APPL1: variants seen among roughly 807,000 people sequenced by gnomAD.
The protein encoded by APPL1 is DCC-interacting protein 13-alpha.
Under a neutral mutation model 106.8 loss-of-function variants are expected in APPL1, and 42 were observed. That is an observed-to-expected ratio of 0.39 (90% CI 0.31 to 0.51). The LOEUF (loss-of-function observed/expected upper bound fraction) is 0.51. Among genes scored for constraint, APPL1 ranks in the 20% least tolerant of loss-of-function variants. APPL1 has a pLI of 0.75. For synonymous variants in APPL1, 263 were observed against 281.8 expected (o/e 0.93, Z 0.67); for missense variants, 769 against 858.2 (o/e 0.90, Z 1.30).
intron 6 of APPL1, 105 bp downstream of exon 6, chr3:57,242,247 AAAT>A: frequency 1.2e-6 from 1 of 840,108 alleles, no homozygotes; most frequent in Non-Finnish European, 1.8e-6. Context: ...AACCAATTAA[AAAT>A]AAGTGAACAT....
intron 15 of APPL1, 92 bp downstream of exon 15, chr3:57,257,520 T>A: frequency 9.1e-7 from 1 of 1,098,292 alleles, no homozygotes; most frequent in Non-Finnish European, 1.3e-6. Context: ...ATTTATAATG[T>A]ATATCAGCTA....
rs777342267 is a variant in APPL1 at position 57,257,348 on chromosome 3, C to T, written c.1350C>T (p.Asp450=). The T allele has an allele frequency of 1.2e-6, 2 of 1,614,106 alleles. No homozygotes were observed. The highest frequency in any genetic ancestry group is 1.1e-5 in the South Asian group (1 of 91,078). ...CTCTAGATTCTCTTGTTGCCCCAGA[C>T]ACCCCAATACAGTTTGACATAATTT... ...ALSLDSLVAP[D]TPIQFDIISP... Residue 450 remains aspartate, a synonymous_variant, in exon 15 of 22, where the codon GAC becomes GAT. Transcript: ENST00000288266.
chr3:57,231,809 T>TAAA (rs375775370), intron 1 of APPL1, among the ~76,000 whole-genome samples: 1 of 132,354 alleles, frequency 7.6e-6, no homozygotes, highest in Non-Finnish European at 1.6e-5. Context: ...CTTTGGCTCT[T>TAAA]AAAAAAAAAA....
At chr3:57,269,450 A>C (rs1559516551) in intron 21 of APPL1, 91 bp from the exon 22 acceptor site, 1 of 1,344,548 alleles carries the variant, frequency 7.4e-7, no homozygotes, top group East Asian at 2.3e-5. Context: ...TTATGACAGA[A>C]GAAGTGGCTC....
At chr3:57,230,238 C>G (rs1483624046) in intron 1 of APPL1, among the ~76,000 whole-genome samples, 9 of 152,180 alleles carry the variant, frequency 5.9e-5, no homozygotes, top group Non-Finnish European at 1.2e-4. Context: ...ACTTTACTAC[C>G]TTCTGCTTTA....
chr3:57,253,738 G>C lies in APPL1; in HGVS notation c.1152G>C (p.Glu384Asp). The change falls in exon 13 of 22, where the codon GAG becomes GAC. Residue 384 changes from glutamate to aspartate, a missense_variant and splice_region_variant. Physicochemically the swap from Glu to Asp is conservative, Grantham distance 45. Coordinates refer to ENST00000288266, the MANE Select transcript of APPL1 (RefSeq NM_012096.3). ...AAATATACTTAAGTGAAAATCCAGA[G>C]GTAATATTTTTATTTTATGTTACCC... is the stretch of plus-strand genomic sequence containing the variant. ...SKQIYLSENPEETAARVNQSA... is the reference protein window; with the variant it reads ...SKQIYLSENPDETAARVNQSA... 1 of 1,423,862 alleles carries C rather than the reference G, an allele frequency of 7.0e-7. No homozygotes were observed. Among genetic ancestry groups the C allele is most frequent in the Non-Finnish European group, 9.3e-7 (1 of 1,078,166 alleles). The allele number at this position is 1,423,862 out of a possible 1,614,324, so 88.2% of individuals were successfully genotyped here. A position where few individuals can be genotyped will look rare whatever the true frequency, so the allele number is the denominator to read the frequency against.
intron 1 of APPL1, among the ~76,000 whole-genome samples, chr3:57,230,206 G>A (rs2060679654): frequency 1.3e-5 from 2 of 151,372 alleles, no homozygotes; most frequent in African/African-American, 2.5e-5. Context: ...TAGGGTTGAC[G>A]AGGTTTTTAG....
chr3:57,262,817 T>G (rs1245007231), intron 19 of APPL1, among the ~76,000 whole-genome samples: 3 of 16,480 alleles, frequency 1.8e-4, no homozygotes, highest in Non-Finnish European at 3.1e-4. Context: ...ACAAGGGGTG[T>G]GTGTGTGTGT....
rs1368901347 is a variant in APPL1, at chr3:57,259,907, G to T, written c.1546G>T (p.Asp516Tyr). 2 of 1,613,488 alleles carry T rather than the reference G, an allele frequency of 1.2e-6. No individual in the cohort carries two copies. Among genetic ancestry groups the T allele is most frequent in the Non-Finnish European group, 1.7e-6 (2 of 1,179,890 alleles). ...TGGTTCAATGGAGGTGAAATCAGAT[G>T]ACCATCCAGATGTTGTTTATGAAAC... Reference protein sequence around the residue: ...FLGSMEVKSDDHPDVVYETMR... With the variant: ...FLGSMEVKSDYHPDVVYETMR... Residue 516 changes from aspartate (D) to tyrosine (Y), a missense_variant, in exon 17 of 22, where the codon GAC becomes TAC. Asp to Tyr is a radical substitution (Grantham distance 160). Coordinates refer to ENST00000288266, the MANE Select transcript of APPL1 (RefSeq NM_012096.3).
chr3:57,268,394 T>G lies in APPL1; in HGVS notation c.1894-4T>G, dbSNP rs769594187. On this transcript the variant is annotated splice_region_variant and splice_polypyrimidine_tract_variant and intron_variant, in intron 20 of 21. Coordinates refer to ENST00000288266, the MANE Select transcript of APPL1 (RefSeq NM_012096.3). ...TTCATTAGTTTTATTCATCTGTTCT[T>G]TAGGATCGTAGGGCATCAGAAAAAC... The G allele has an allele frequency of 5.8e-6, 9 of 1,553,812 alleles. No homozygotes were observed. Among genetic ancestry groups the G allele is most frequent in the Non-Finnish European group, 7.9e-6 (9 of 1,138,336 alleles).
chr3:57,235,082 G>T (rs908784932), intron 1 of APPL1, among the ~76,000 whole-genome samples: 1 of 152,206 alleles, frequency 6.6e-6, no homozygotes, highest in Non-Finnish European at 1.5e-5. Context: ...GAAAAACCTA[G>T]TTAGCATTTT....
intron 19 of APPL1, among the ~76,000 whole-genome samples, chr3:57,261,427 C>T (rs1303348036): frequency 6.6e-6 from 1 of 152,188 alleles, no homozygotes; most frequent in Non-Finnish European, 1.5e-5. Context: ...CATGTGAGTG[C>T]AGGTATCCTT....
chr3:57,241,444 C>T (rs578003605), intron 5 of APPL1, among the ~76,000 whole-genome samples: 2 of 152,284 alleles, frequency 1.3e-5, no homozygotes, highest in East Asian at 3.9e-4. Flanking sequence ...CAGCCATACA[C>T]ACTTACTTCC....
intron 11 of APPL1, among the ~76,000 whole-genome samples, chr3:57,251,169 C>T (rs183193397): frequency 3.3e-5 from 5 of 151,396 alleles, no homozygotes; most frequent in African/African-American, 1.2e-4. Flanking sequence ...ATTTTTTCCC[C>T]TGTATTTATG....
chr3:57,242,238 A>C (rs1218434883), intron 6 of APPL1, 96 bp downstream of exon 6: 1 of 802,108 alleles, frequency 1.2e-6, no homozygotes, highest in African/African-American at 1.7e-5. Flanking sequence ...TTGAAAAAAA[A>C]CCAATTAAAA....
chr3:57,266,206 C>G (rs1336750248), intron 19 of APPL1, among the ~76,000 whole-genome samples: 1 of 152,050 alleles, frequency 6.6e-6, no homozygotes, highest in South Asian at 2.1e-4. Flanking sequence ...ATACTGGCCT[C>G]GTAGAATGAG....
At chr3:57,261,240 G>A (rs534321428) in intron 19 of APPL1, among the ~76,000 whole-genome samples, 3 of 152,204 alleles carry the variant, frequency 2.0e-5, no homozygotes, top group East Asian at 1.9e-4. Context: ...CTTATTTCAC[G>A]TAAGATAATG....
intron 19 of APPL1, among the ~76,000 whole-genome samples, chr3:57,263,305 A>G (rs1293057190): frequency 1.3e-5 from 2 of 152,122 alleles, no homozygotes; most frequent in Non-Finnish European, 2.9e-5. Flanking sequence ...TTTTAAATGT[A>G]CAATTATTAT....
At chr3:57,239,639 T>G (rs2060735221) in intron 4 of APPL1, among the ~76,000 whole-genome samples, 1 of 152,224 alleles carries the variant, frequency 6.6e-6, no homozygotes, top group African/African-American at 2.4e-5. Context: ...CAAGATTGTT[T>G]TTTTTGTTTT....
Sources: gnomAD v4.1 joint callset for allele counts (sites outside exome capture counted in the v4.1 genomes callset) on GRCh38, gnomAD v4.1.1 for gene constraint, MANE v1.5 for transcripts, NCBI Gene and HGNC (gene_info 2026-07-23, HGNC 2026-07-21) for gene names.